The following TRPM6 variants were observed in gnomAD, a reference collection of about 807,000 sequenced individuals.
TRPM6 encodes transient receptor potential cation channel subfamily M member 6.
A neutral mutation model predicts 247.6 loss-of-function variants in TRPM6; 111 were observed. That is an observed-to-expected ratio of 0.45 (90% CI 0.38 to 0.52). TRPM6 has a LOEUF of 0.52. Ranked by LOEUF, TRPM6 falls within the 20% of genes least tolerant of loss-of-function variation. TRPM6 has a pLI of 0.00. For missense variants in TRPM6, 2,126 were observed against 2,421.5 expected, an observed-to-expected ratio of 0.88 and a Z score of 2.56; for synonymous variants, 892 against 853.8, an observed-to-expected ratio of 1.04 and a Z score of -0.78.
chr9:74,871,829 GCGAC>G (rs573301576), intron 1 of TRPM6, among the ~76,000 whole-genome samples: 3 of 151,394 alleles, frequency 2.0e-5, no homozygotes, highest in African/African-American at 7.3e-5. Context: ...ACAAGCATGT[GCGAC>G]CATACCCAAC....
intron 17 of TRPM6, 146 bp from the exon 18 acceptor site, chr9:74,797,039 A>G (rs1416930683): frequency 6.7e-6 from 5 of 742,220 alleles, no homozygotes; most frequent in Non-Finnish European, 1.1e-5. Context: ...TAATTTTTTG[A>G]CTCGGCAACT....
intron 27 of TRPM6, among the ~76,000 whole-genome samples, chr9:74,760,163 C>T (rs557650668): frequency 3.3e-5 from 5 of 152,316 alleles, no homozygotes; most frequent in African/African-American, 9.6e-5. Flanking sequence ...ATAAAGTCTA[C>T]AGTAGTATAC....
chr9:74,753,368 A>G (rs74467397), intron 28 of TRPM6, among the ~76,000 whole-genome samples: 3 of 149,524 alleles, frequency 2.0e-5, no homozygotes, highest in Admixed American at 6.7e-5. Context: ...TTTGTGCTGG[A>G]AAAAAAAAAG....
In TRPM6 at chr9:74,731,114, C is replaced by T. The variant is rs11144077; in HGVS notation, c.5828+1571G>A. The stretch of plus-strand genomic sequence containing the variant: ...TTAATAGAAATTGAGGCCCACTGGC[C>T]TACAGCATGCAATTAAATACCTACC... On this transcript the variant is annotated intron_variant, in intron 37 of 38. Coordinates refer to ENST00000360774, the MANE Select transcript of TRPM6 (RefSeq NM_017662.5). Among the ~76,000 whole-genome samples, 4 of 152,176 alleles carry T rather than the reference C, an allele frequency of 2.6e-5. No individual in the cohort carries two copies. In the East Asian group the frequency reaches 5.8e-4, roughly 22 times the overall value.
chr9:74,812,556 A>G (rs1828771052), intron 11 of TRPM6, 123 bp from the exon 12 acceptor site: 2 of 947,118 alleles, frequency 2.1e-6, no homozygotes, highest in Non-Finnish European at 3.2e-6. Flanking sequence ...TCCTGCCATC[A>G]GTGGGTACAG....
chr9:74,841,775 G>GTAA (rs1829945929), intron 4 of TRPM6, among the ~76,000 whole-genome samples: 1 of 152,170 alleles, frequency 6.6e-6, no homozygotes, highest in Non-Finnish European at 1.5e-5. Flanking sequence ...AGAGTTCTGG[G>GTAA]GTTACAGGTG....
chr9:74,769,524 C>T (rs938092478), intron 25 of TRPM6, among the ~76,000 whole-genome samples: 7 of 151,706 alleles, frequency 4.6e-5, no homozygotes, highest in African/African-American at 1.7e-4. Flanking sequence ...TGTGGGAGGT[C>T]GAGGGGGGCG....
intron 1 of TRPM6, among the ~76,000 whole-genome samples, chr9:74,872,935 T>C (rs1229651255): frequency 6.6e-6 from 1 of 152,162 alleles, no homozygotes; most frequent in Non-Finnish European, 1.5e-5. Context: ...TATAATCTTT[T>C]AAAATAAATA....
intron 27 of TRPM6, among the ~76,000 whole-genome samples, chr9:74,757,550 A>T (rs1440865439): frequency 1.4e-5 from 2 of 140,210 alleles, no homozygotes; most frequent in Non-Finnish European, 3.0e-5. Flanking sequence ...TGGGTGACAG[A>T]GAGAGACCCT....
rs752709214 is a variant in TRPM6 at position 74,744,136 on chromosome 9, G to A, written c.5093C>T (p.Ala1698Val). 10 of 1,613,874 alleles carry A rather than the reference G, an allele frequency of 6.2e-6. No homozygotes were observed. Among genetic ancestry groups the A allele is most frequent in the Middle Eastern group, 1.6e-4 (1 of 6,084 alleles). Residue 1698 changes from alanine (A) to valine (V), a missense_variant, in exon 32 of 39, where the codon GCC becomes GTC. Physicochemically the swap from Ala to Val is moderately conservative, Grantham distance 64. Transcript: ENST00000360774. ...AGGCTCTTGAGGGCTTTTTAAGGAGGCTGAGATCTCTGAAATTAGAGAGGA... is the reference window on the plus strand; with the variant it reads ...AGGCTCTTGAGGGCTTTTTAAGGAGACTGAGATCTCTGAAATTAGAGAGGA... ...KSSIGVDKIS[A>V]SLKSPQEPHH...
chr9:74,762,887 G>A lies in TRPM6; in HGVS notation c.3784C>T (p.Leu1262=). The change falls in exon 26 of 39, where the codon CTA becomes TTA. Residue 1262 remains leucine, a synonymous_variant. Coordinates refer to ENST00000360774, the MANE Select transcript of TRPM6 (RefSeq NM_017662.5). Reference sequence around the variant, plus strand: ...TCTCCAGCGATCTCCATGCTGCCTAGAACCTCTGCACAGATGACATTGCTC... The same window carrying A: ...TCTCCAGCGATCTCCATGCTGCCTAAAACCTCTGCACAGATGACATTGCTC... ...SWSNVICAEV[L]GSMEIAGEKK... 6.2e-7 allele frequency: 1 copy of A among 1,613,376 alleles called. No homozygotes were observed. Among genetic ancestry groups the A allele is most frequent in the Admixed American group, 1.7e-5 (1 of 59,934 alleles).
At chr9:74,803,599 G>A (rs1828420556) in intron 15 of TRPM6, among the ~76,000 whole-genome samples, 195 bp downstream of exon 15, 1 of 152,172 alleles carries the variant, frequency 6.6e-6, no homozygotes, top group Non-Finnish European at 1.5e-5. Flanking sequence ...TAAAGTGCAA[G>A]TCCAGAGAAT....
chr9:74,810,958 A>G (rs966451746), intron 12 of TRPM6, 90 bp from the exon 13 acceptor site: 2 of 990,034 alleles, frequency 2.0e-6, no homozygotes, highest in Non-Finnish European at 1.6e-6. Flanking sequence ...TAAGTAACTG[A>G]GAATACTGAA....
intron 14 of TRPM6, 52 bp downstream of exon 14, chr9:74,807,982 A>T: frequency 6.2e-7 from 1 of 1,610,312 alleles, no homozygotes; most frequent in South Asian, 1.1e-5. Flanking sequence ...TTTCCAAAAC[A>T]ACAATTCCTA....
intron 17 of TRPM6, among the ~76,000 whole-genome samples, chr9:74,799,574 T>TCACG: frequency 6.7e-6 from 1 of 149,658 alleles, no homozygotes; most frequent in East Asian, 1.9e-4. Context: ...ACACACACAT[T>TCACG]GGGTAAGCAG....
At chr9:74,852,745 G>A (rs1343365530) in intron 3 of TRPM6, among the ~76,000 whole-genome samples, 2 of 152,180 alleles carry the variant, frequency 1.3e-5, no homozygotes, top group East Asian at 3.9e-4. Flanking sequence ...TGCCCGCCTC[G>A]GCCTCCCGAG....
At chr9:74,828,753 CGAGTAGCT>C (rs1411760792) in intron 6 of TRPM6, among the ~76,000 whole-genome samples, 1 of 151,660 alleles carries the variant, frequency 6.6e-6, no homozygotes, top group East Asian at 1.9e-4. Context: ...TTCAGCCTCC[CGAGTAGCT>C]GGGTCTACAG....
Position 74,723,524 on chromosome 9 carries a change from C to G in TRPM6, c.*1089G>C, listed in dbSNP as rs958280327. 4.7e-5 allele frequency: 7 copies of G among 149,216 alleles called. No individual in the cohort carries two copies. Among genetic ancestry groups the G allele is most frequent in the Non-Finnish European group, 1.0e-4 (7 of 67,502 alleles). The allele number at this position is 149,216 out of a possible 1,614,324, so 9.2% of individuals were successfully genotyped here. A position where few individuals can be genotyped will look rare whatever the true frequency, so the allele number is the denominator to read the frequency against. On this transcript the variant is annotated 3_prime_UTR_variant, in exon 39 of 39. Coordinates refer to ENST00000360774, the MANE Select transcript of TRPM6 (RefSeq NM_017662.5). Reference sequence around the variant, plus strand: ...CGTTTAAAAAAAAAAAAAAAAAGGCCAGGCGCAGTGGCTCACGCCTGTAAT... The same window carrying G: ...CGTTTAAAAAAAAAAAAAAAAAGGCGAGGCGCAGTGGCTCACGCCTGTAAT...
At chr9:74,733,181 A>T (rs1200217153) in intron 36 of TRPM6, among the ~76,000 whole-genome samples, 2 of 152,024 alleles carry the variant, frequency 1.3e-5, no homozygotes, top group Non-Finnish European at 2.9e-5. Flanking sequence ...AAGCCTGGGC[A>T]ACAGAGCTTA....
Sources: gnomAD v4.1 joint callset for allele counts (sites outside exome capture counted in the v4.1 genomes callset) on GRCh38, gnomAD v4.1.1 for gene constraint, MANE v1.5 for transcripts, NCBI Gene and HGNC (gene_info 2026-07-23, HGNC 2026-07-21) for gene names.